Variants in CCDC7 observed in about 807,000 individuals in gnomAD.
The protein encoded by CCDC7 is coiled-coil domain-containing protein 7.
Under a neutral mutation model 196.9 loss-of-function variants are expected in CCDC7, and 183 were observed. The ratio of observed to expected loss-of-function variants is 0.93; its 90% CI spans 0.82 to 1.05. The LOEUF (loss-of-function observed/expected upper bound fraction) is 1.05, where lower values mean the gene tolerates loss of function less well. CCDC7 is among the 50% of genes least tolerant of loss of function. The probability of loss-of-function intolerance (pLI) is 0.00; values close to 1 mark genes in which losing one functional copy is unlikely to be tolerated. For missense variants in CCDC7, 1,540 were observed against 1,482.2 expected (o/e 1.04, Z -0.64); for synonymous variants, 525 against 484.6 (o/e 1.08, Z -1.10).
At chr10:32,755,055 A>G (rs1483990237) in intron 28 of CCDC7, among the ~76,000 whole-genome samples, 1 of 152,198 alleles carries the variant, frequency 6.6e-6, no homozygotes, top group Non-Finnish European at 1.5e-5. Context: ...GCAAGGCAGC[A>G]GTGAGACTGG....
Position 32,471,243 on chromosome 10 carries a change from T to C in CCDC7, c.677+13T>C. ...TGTCTAAAACTATGTAAGTGAAATA[T>C]AAGAACTAATTGAATTAAAAACAGT... is the stretch of plus-strand genomic sequence containing the variant. On this transcript the variant is annotated intron_variant, in intron 6 of 41. Coordinates refer to ENST00000639629, the Ensembl canonical transcript of CCDC7. 1 of 1,601,328 alleles carries C rather than the reference T, an allele frequency of 6.2e-7. No individual in the cohort carries two copies. Among genetic ancestry groups the C allele is most frequent in the South Asian group, 1.1e-5 (1 of 87,998 alleles).
At chr10:32,753,673 G>A (rs1031201824) in intron 28 of CCDC7, among the ~76,000 whole-genome samples, 16 of 152,022 alleles carry the variant, frequency 1.1e-4, no homozygotes, top group African/African-American at 2.2e-4. Context: ...AACCTCTCAC[G>A]CAAACTCTTC....
intron 8 of CCDC7, among the ~76,000 whole-genome samples, chr10:32,483,610 A>AAG (rs968461148): frequency 1.3e-5 from 2 of 152,176 alleles, no homozygotes; most frequent in Non-Finnish European, 2.9e-5. Flanking sequence ...GTTTTCTTCT[A>AAG]GGGTTTTTAT....
At chr10:32,671,895 T>C (rs1455766413) in intron 21 of CCDC7, among the ~76,000 whole-genome samples, 1 of 152,186 alleles carries the variant, frequency 6.6e-6, no homozygotes, top group African/African-American at 2.4e-5. Context: ...GCTGTGAATG[T>C]TTGCAATTGT....
At chr10:32,563,322 A>G (rs2056123598) in intron 13 of CCDC7, among the ~76,000 whole-genome samples, 1 of 152,288 alleles carries the variant, frequency 6.6e-6, no homozygotes, top group East Asian at 1.9e-4. Flanking sequence ...ATGGAACCAA[A>G]AAAGAGCCCG....
At chr10:32,466,323 G>A (rs1292132828) in intron 5 of CCDC7, among the ~76,000 whole-genome samples, 2 of 138,728 alleles carry the variant, frequency 1.4e-5, no homozygotes, top group East Asian at 2.1e-4. Context: ...TGTTATTTAC[G>A]TAAACTCATG....
chr10:32,669,702 A>G (rs1407368443), intron 21 of CCDC7, among the ~76,000 whole-genome samples: 1 of 151,898 alleles, frequency 6.6e-6, no homozygotes, highest in African/African-American at 2.4e-5. Context: ...GATCTTTTGT[A>G]TCTCTGTGTC....
chr10:32,729,222 T>C (rs923981604), intron 27 of CCDC7, 110 bp from the exon 29 acceptor site: 1 of 1,118,082 alleles, frequency 8.9e-7, no homozygotes, highest in Non-Finnish European at 1.3e-6. Context: ...CCACACATGC[T>C]CATGAAAACT....
intron 18 of CCDC7, among the ~76,000 whole-genome samples, chr10:32,596,234 T>C (rs990646042): frequency 5.9e-5 from 9 of 152,196 alleles, no homozygotes; most frequent in Non-Finnish European, 1.0e-4. Flanking sequence ...TGGGTGCATA[T>C]ATATTTAGAA....
intron 6 of CCDC7, among the ~76,000 whole-genome samples, chr10:32,472,134 C>T (rs2505382): frequency 0.78 from 119,108 of 152,058 alleles, 48,682 homozygotes; most frequent in Non-Finnish European, 0.9. Flanking sequence ...AGTCTCACTC[C>T]GGAACTTATG....
At chr10:32,543,743 G>C (rs1036908476) in intron 12 of CCDC7, among the ~76,000 whole-genome samples, 17 of 151,976 alleles carry the variant, frequency 1.1e-4, no homozygotes, top group African/African-American at 4.1e-4. Flanking sequence ...CTTTTCTACT[G>C]TACTTATTAA....
At chr10:32,788,685 G>A (rs1009493389) in intron 29 of CCDC7, among the ~76,000 whole-genome samples, 1 of 152,182 alleles carries the variant, frequency 6.6e-6, no homozygotes, top group Non-Finnish European at 1.5e-5. Flanking sequence ...CCATCTCCAT[G>A]GAGCAAAGTT....
intron 24 of CCDC7, among the ~76,000 whole-genome samples, chr10:32,707,268 C>T (rs941248115): frequency 6.6e-6 from 1 of 152,166 alleles, no homozygotes; most frequent in Admixed American, 6.5e-5. Context: ...GAAAATTCAA[C>T]AGTTGTTCAT....
intron 3 of CCDC7, among the ~76,000 whole-genome samples, chr10:32,461,743 A>G (rs1588794832): frequency 1.4e-5 from 1 of 72,186 alleles, no homozygotes; most frequent in African/African-American, 5.8e-5. Context: ...ATATATATAT[A>G]TATATATACA....
chr10:32,594,704 A>G (rs904650973), intron 18 of CCDC7, among the ~76,000 whole-genome samples: 1 of 152,088 alleles, frequency 6.6e-6, no homozygotes, highest in Non-Finnish European at 1.5e-5. Flanking sequence ...GATAGTTCTT[A>G]TTGTTTCGAG....
Position 32,845,516 on chromosome 10 carries a change from A to G in CCDC7, c.3437-27A>G, listed in dbSNP as rs376148559. The G allele has an allele frequency of 3.9e-6, 6 of 1,539,774 alleles. No individual in the cohort carries two copies. The African/African-American group carries it at 4.1e-5, about 11-fold the overall frequency. On this transcript the variant is annotated intron_variant, in intron 34 of 41. Coordinates refer to ENST00000639629, the Ensembl canonical transcript of CCDC7. ...TATGGTAATGATAATCTTACAAAAT[A>G]TACTGAAATCTGTTTTATTTCTATA...
chr10:32,637,333 G>C (rs1028192579), intron 20 of CCDC7, among the ~76,000 whole-genome samples: 1 of 152,016 alleles, frequency 6.6e-6, no homozygotes, highest in Non-Finnish European at 1.5e-5. Flanking sequence ...GTATTGCCTA[G>C]GTTTTCTTCT....
At chr10:32,730,029 G>A (rs1273629341) in intron 28 of CCDC7, among the ~76,000 whole-genome samples, 1 of 152,018 alleles carries the variant, frequency 6.6e-6, no homozygotes, top group Non-Finnish European at 1.5e-5. Flanking sequence ...TACATGTCCA[G>A]GGTGTGCAGG....
intron 8 of CCDC7, among the ~76,000 whole-genome samples, chr10:32,475,503 C>T (rs2038806638): frequency 6.6e-6 from 1 of 152,174 alleles, no homozygotes; most frequent in African/African-American, 2.4e-5. Context: ...AATCATAAAA[C>T]CACATTTCAA....
Sources: allele counts gnomAD v4.1 joint callset (sites outside exome capture counted in the v4.1 genomes callset), GRCh38; gene constraint gnomAD v4.1.1; transcripts MANE v1.5; gene names NCBI Gene and HGNC (gene_info 2026-07-23, HGNC 2026-07-21).